Variants in MDN1 observed in about 807,000 individuals in gnomAD.
MDN1 encodes midasin AAA ATPase 1.
In MDN1, 266 loss-of-function variants were observed where a neutral mutation model predicts 669.2. The ratio of observed to expected loss-of-function variants is 0.40; its 90% CI spans 0.36 to 0.44. MDN1 has a LOEUF of 0.44. MDN1 is among the 20% of genes least tolerant of loss of function. The probability of loss-of-function intolerance (pLI) is 1.00; values close to 1 mark genes in which losing one functional copy is unlikely to be tolerated. For missense variants in MDN1, 5,940 were observed against 6,754.0 expected, an observed-to-expected ratio of 0.88 and a Z score of 4.22; for synonymous variants, 2,385 against 2,457.1, an observed-to-expected ratio of 0.97 and a Z score of 0.87.
intron 76 of MDN1, among the ~76,000 whole-genome samples, chr6:89,677,282 C>T (rs763376534): frequency 6.6e-6 from 1 of 151,972 alleles, no homozygotes; most frequent in Non-Finnish European, 1.5e-5. Context: ...TTAGTAGACA[C>T]AGGGTTTTGC....
At chr6:89,809,215 CAAAAAAA>C (rs1167270500) in intron 1 of MDN1, among the ~76,000 whole-genome samples, 5 of 59,296 alleles carry the variant, frequency 8.4e-5, no homozygotes, top group Non-Finnish European at 9.3e-5. Context: ...GACACTGTCT[CAAAAAAA>C]AAAAAAAAAA....
chr6:89,796,427 A>G (rs545864211), intron 2 of MDN1, among the ~76,000 whole-genome samples: 1 of 152,024 alleles, frequency 6.6e-6, no homozygotes, highest in South Asian at 2.1e-4. Flanking sequence ...ACTAGTAAGG[A>G]GATTTAGTCA....
In MDN1 at chr6:89,771,482, T is replaced by A. The variant is rs997186635; in HGVS notation, c.2144+79A>T. The A allele has an allele frequency of 3.2e-6, 4 of 1,269,082 alleles. No homozygotes were observed. The African/African-American group carries it at 6.0e-5, about 19-fold the overall frequency. The allele number at this position is 1,269,082 out of a possible 1,614,324, so 78.6% of individuals were successfully genotyped here. A position where few individuals can be genotyped will look rare whatever the true frequency, so the allele number is the denominator to read the frequency against. On this transcript the variant is annotated intron_variant, in intron 15 of 101. Coordinates refer to ENST00000369393, the MANE Select transcript of MDN1 (RefSeq NM_014611.3). ...CATCGAGCATCCTAGAACCTGTGGT[T>A]GTTAACACTAAGAAAACAGTATTTC...
chr6:89,776,663 C>T lies in MDN1; in HGVS notation c.1758G>A (p.Glu586=), dbSNP rs144606098. 12 of 1,612,846 alleles carry T rather than the reference C, an allele frequency of 7.4e-6. No individual in the cohort carries two copies. In the African/African-American group the frequency reaches 1.1e-4, roughly 14 times the overall value. Residue 586 remains glutamate, a synonymous_variant, in exon 12 of 102, where the codon GAG becomes GAA. Transcript: ENST00000369393. ...ALDCFTAMLS[E]HTSKLKMAEV... is the part of the protein sequence containing the mutation. ...CTGCCATTTTCAGTTTGCTTGTATG[C>T]TCAGAAAGCATTGCTGTGAAACAGT...
At chr6:89,655,683 G>A (rs1460484909) in intron 92 of MDN1, 81 bp downstream of exon 92, 13 of 1,264,290 alleles carry the variant, frequency 1.0e-5, no homozygotes, top group Admixed American at 6.5e-5. Context: ...CCACAAATAC[G>A]TATCATTATT....
intron 15 of MDN1, among the ~76,000 whole-genome samples, chr6:89,770,512 C>G (rs1818031357): frequency 1.3e-5 from 2 of 151,838 alleles, no homozygotes; most frequent in African/African-American, 2.4e-5. Context: ...CCTCAAACAA[C>G]CAACTAAACA....
rs950516382 is a variant in MDN1, at chr6:89,722,859, A to T, written c.5967+96T>A. 1.0e-4 allele frequency: 116 copies of T among 1,161,664 alleles called. 1 individual carries two copies. Among genetic ancestry groups the T allele is most frequent in the Non-Finnish European group, 1.3e-4 (109 of 843,976 alleles). 72.0% of individuals were successfully genotyped at this position (1,161,664 alleles called of 1,614,324 possible). ...GAAACCCAGTCTCAAAAAAAAAAAA[A>T]AAAAAAAAGGCTTGCAATTAGTGTA... On this transcript the variant is annotated intron_variant, in intron 40 of 101. Transcript: ENST00000369393.
chr6:89,670,675 C>G (rs1231547450), intron 83 of MDN1, among the ~76,000 whole-genome samples: 7 of 152,014 alleles, frequency 4.6e-5, no homozygotes, highest in African/African-American at 1.7e-4. Context: ...GTTTAGGGAA[C>G]TCGTCAGTTT....
At chr6:89,766,369 A>G (rs977482039) in intron 15 of MDN1, among the ~76,000 whole-genome samples, 16 of 152,246 alleles carry the variant, frequency 1.1e-4, no homozygotes, top group African/African-American at 3.9e-4. Flanking sequence ...AAGTCAATAC[A>G]TATTTCAATA....
intron 84 of MDN1, among the ~76,000 whole-genome samples, 199 bp downstream of exon 84, chr6:89,667,815 T>C (rs1363821090): frequency 6.6e-6 from 1 of 152,036 alleles, no homozygotes; most frequent in Non-Finnish European, 1.5e-5. Flanking sequence ...CCAAAACCAA[T>C]GATGGAGTTG....
chr6:89,812,124 T>C (rs1041703314), intron 1 of MDN1, among the ~76,000 whole-genome samples: 1 of 151,840 alleles, frequency 6.6e-6, no homozygotes, highest in African/African-American at 2.4e-5. Flanking sequence ...TAGCTGGGAT[T>C]ACAGGCATGC....
intron 71 of MDN1, 60 bp downstream of exon 71, chr6:89,684,816 C>T (rs1052399794): frequency 1.0e-5 from 11 of 1,100,116 alleles, no homozygotes; most frequent in African/African-American, 7.8e-5. Flanking sequence ...ACAGGGTTAA[C>T]GAAAGAGAAT....
intron 33 of MDN1, among the ~76,000 whole-genome samples, chr6:89,733,702 G>A (rs1815746196): frequency 6.7e-6 from 1 of 149,320 alleles, no homozygotes; most frequent in Admixed American, 6.7e-5. Flanking sequence ...TAACAATGAG[G>A]AAACAAATTA....
At chr6:89,702,640 G>A (rs1026829370) in intron 53 of MDN1, among the ~76,000 whole-genome samples, 4 of 152,172 alleles carry the variant, frequency 2.6e-5, no homozygotes, top group Non-Finnish European at 4.4e-5. Flanking sequence ...AAACTAGGTT[G>A]TATTATAGCT....
At chr6:89,816,921 G>T (rs1482590517) in intron 1 of MDN1, among the ~76,000 whole-genome samples, 2 of 151,358 alleles carry the variant, frequency 1.3e-5, no homozygotes, top group African/African-American at 2.4e-5. Context: ...TGATCCACCC[G>T]CCTCAGCCTC....
At position 89,732,786 on chromosome 6, in the gene MDN1, G is replaced by A. The variant is rs774067213; in HGVS notation, c.4724-11C>T. On this transcript the variant is annotated splice_polypyrimidine_tract_variant and intron_variant, in intron 33 of 101. Transcript: ENST00000369393. ...CAGGTATGTCAGACCCTAAACACAA[G>A]AAACAAAAAAAGCATTTGCTGTTAA... is the stretch of plus-strand genomic sequence containing the variant. The A allele has an allele frequency of 3.1e-5, 49 of 1,603,270 alleles. No homozygotes were observed. In the Admixed American group the frequency reaches 4.8e-4, roughly 16 times the overall value.
intron 99 of MDN1, among the ~76,000 whole-genome samples, chr6:89,647,315 C>G (rs1429019800): frequency 6.6e-6 from 1 of 152,180 alleles, no homozygotes; most frequent in African/African-American, 2.4e-5. Context: ...CAAACTGAAT[C>G]AGAGCAGGAC....
chr6:89,716,428 C>A (rs1360882983), intron 44 of MDN1, among the ~76,000 whole-genome samples: 1 of 152,222 alleles, frequency 6.6e-6, no homozygotes. Context: ...TTAGCCTTTG[C>A]TTTGGCTGAA....
chr6:89,686,133 T>C (rs552309377), intron 69 of MDN1, among the ~76,000 whole-genome samples, 160 bp from the exon 70 acceptor site: 19 of 152,292 alleles, frequency 1.2e-4, no homozygotes, highest in Admixed American at 7.8e-4. Flanking sequence ...TAAGCTGATT[T>C]AAAAGTAACA....
Sources: gnomAD v4.1 joint callset for allele counts (sites outside exome capture counted in the v4.1 genomes callset) on GRCh38, gnomAD v4.1.1 for gene constraint, MANE v1.5 for transcripts, NCBI Gene and HGNC (gene_info 2026-07-23, HGNC 2026-07-21) for gene names.